The following EPC1 variants were observed in gnomAD, a reference collection of about 807,000 sequenced individuals.
The protein encoded by EPC1 is enhancer of polycomb 1, also known as enhancer of polycomb homolog 1.
A neutral mutation model predicts 98.4 loss-of-function variants in EPC1; 12 were observed. That is an observed-to-expected ratio of 0.12 (90% CI 0.08 to 0.20). The LOEUF is 0.20. EPC1 is among the 10% of genes least tolerant of loss of function. The probability of loss-of-function intolerance (pLI) is 1.00; values close to 1 mark genes in which losing one functional copy is unlikely to be tolerated. For missense variants in EPC1, 729 were observed against 990.5 expected, an observed-to-expected ratio of 0.74 and a Z score of 3.54; for synonymous variants, 357 against 363.9, an observed-to-expected ratio of 0.98 and a Z score of 0.21.
intron 10 of EPC1, chr10:32,283,624 TA>T (rs1836518888): frequency 6.6e-6 from 1 of 152,212 alleles, no homozygotes; most frequent in Non-Finnish European, 1.5e-5. Flanking sequence ...AATTTCTTAA[TA>T]ACATGTTCTT....
chr10:32,343,929 T>C (rs1838561641), intron 1 of EPC1, among the ~76,000 whole-genome samples: 1 of 152,222 alleles, frequency 6.6e-6, no homozygotes, highest in Non-Finnish European at 1.5e-5. Context: ...AATAAAATGC[T>C]TTAATCAGGT....
At chr10:32,295,813 C>T (rs911026804) in intron 2 of EPC1, among the ~76,000 whole-genome samples, 5 of 152,096 alleles carry the variant, frequency 3.3e-5, no homozygotes, top group Admixed American at 6.6e-5. Flanking sequence ...GTTGTATTAG[C>T]ACAGATTACA....
Position 32,291,268 on chromosome 10 carries a change from T to C in EPC1, c.870A>G (p.Arg290=), listed in dbSNP as rs1219761919. ...GEIMSEVMAQ[R]QPMKPTYAIP... is the part of the protein sequence containing the mutation. ...TGGCATAAGTAGGTTTCATTGGCTG[T>C]CTCTGTGCCATAACCTCAGACATGA... The change falls in exon 6 of 14, where the codon AGA becomes AGG. Residue 290 remains arginine (R), a synonymous_variant. Transcript: ENST00000319778. 3 of 1,614,010 alleles carry C rather than the reference T, an allele frequency of 1.9e-6. No individual in the cohort carries two copies. The highest frequency in any genetic ancestry group is 2.5e-6 in the Non-Finnish European group (3 of 1,179,928).
At chr10:32,275,966 T>C (rs545552213) in intron 10 of EPC1, among the ~76,000 whole-genome samples, 188 of 152,182 alleles carry the variant, frequency 1.2e-3, no homozygotes, top group Admixed American at 3.5e-3. Flanking sequence ...ATCAACATTT[T>C]AGATTACTAT....
chr10:32,345,547 G>GT, intron 1 of EPC1: 2 of 985,396 alleles, frequency 2.0e-6, no homozygotes, highest in Non-Finnish European at 2.4e-6. Context: ...ACTGCACCCT[G>GT]TTTAAATGGC....
chr10:32,297,682 C>T (rs536686956), intron 2 of EPC1, among the ~76,000 whole-genome samples: 22 of 152,132 alleles, frequency 1.4e-4, no homozygotes, highest in Non-Finnish European at 2.4e-4. Flanking sequence ...TACAGGTAAA[C>T]AGAATACAGT....
chr10:32,275,099 T>G (rs1836013143), intron 10 of EPC1, among the ~76,000 whole-genome samples: 1 of 152,204 alleles, frequency 6.6e-6, no homozygotes, highest in Non-Finnish European at 1.5e-5. Context: ...AAACAATAAT[T>G]TAGCATTCAC....
At chr10:32,309,048 C>T (rs776172555) in intron 1 of EPC1, among the ~76,000 whole-genome samples, 4 of 152,094 alleles carry the variant, frequency 2.6e-5, no homozygotes, top group South Asian at 2.1e-4. Flanking sequence ...AAAAAAATTT[C>T]GCATATTCTC....
At chr10:32,350,845 G>T (rs754374928), upstream of EPC1, among the ~76,000 whole-genome samples, 38 of 152,050 alleles carry the variant, frequency 2.5e-4, no homozygotes, top group Non-Finnish European at 1.9e-4. Flanking sequence ...GTTTATGTTC[G>T]GTATGTATCC....
intron 10 of EPC1, among the ~76,000 whole-genome samples, chr10:32,273,550 C>T (rs982598796): frequency 4.0e-5 from 6 of 151,658 alleles, no homozygotes; most frequent in African/African-American, 1.2e-4. Flanking sequence ...AATTTCAACA[C>T]CACTATTTTT....
At chr10:32,307,004 T>C (rs1477294980) in intron 1 of EPC1, among the ~76,000 whole-genome samples, 1 of 152,222 alleles carries the variant, frequency 6.6e-6, no homozygotes, top group East Asian at 1.9e-4. Flanking sequence ...AATGTGTACA[T>C]ATTTAAATAT....
At chr10:32,288,608 C>T (rs562801305) in intron 6 of EPC1, among the ~76,000 whole-genome samples, 1 of 152,202 alleles carries the variant, frequency 6.6e-6, no homozygotes, top group African/African-American at 2.4e-5. Flanking sequence ...GCCTCTACCT[C>T]CCAAAGTGTT....
intron 1 of EPC1, among the ~76,000 whole-genome samples, chr10:32,365,304 G>A (rs938467586): frequency 1.3e-5 from 2 of 152,124 alleles, no homozygotes; most frequent in African/African-American, 4.8e-5. Flanking sequence ...GCAAACTTTA[G>A]CATAAAGGCT....
intron 6 of EPC1, among the ~76,000 whole-genome samples, chr10:32,290,483 C>CAAAAAAAAAAAAAAAAAAAAAAAAAA (rs57193296): frequency 7.5e-5 from 3 of 40,160 alleles, no homozygotes; most frequent in Admixed American, 3.0e-4. Context: ...AAGACTCTGT[C>CAAAAAAAAAAAAAAAAAAAAAAAAAA]AAAAAAAAAA....
At chr10:32,345,994 A>G (rs1034605213) in intron 1 of EPC1, among the ~76,000 whole-genome samples, 4 of 152,232 alleles carry the variant, frequency 2.6e-5, no homozygotes, top group African/African-American at 9.6e-5. Flanking sequence ...CGCAAGGATC[A>G]CAGAAAAAGT....
Position 32,268,844 on chromosome 10 carries a change from G to A in EPC1, c.*219C>T, listed in dbSNP as rs1835701183. 2 of 455,028 alleles carry A rather than the reference G, an allele frequency of 4.4e-6. No homozygotes were observed. Among genetic ancestry groups the A allele is most frequent in the Non-Finnish European group, 7.9e-6 (2 of 252,350 alleles). 28.2% of individuals were successfully genotyped at this position (455,028 alleles called of 1,614,324 possible). ...AAGGGTATTACAAATATGCAGTACT[G>A]TACAGATAATTGCTGTATTCTTAAT... On this transcript the variant is annotated 3_prime_UTR_variant, in exon 14 of 14. Transcript: ENST00000319778.
chr10:32,288,996 G>A (rs551079166), intron 6 of EPC1, among the ~76,000 whole-genome samples: 190 of 152,204 alleles, frequency 1.2e-3, no homozygotes, highest in Non-Finnish European at 2.2e-3. Context: ...GGCTGAGGCA[G>A]GAGAATCGCT....
chr10:32,349,614 T>C (rs1248760056), upstream of EPC1, among the ~76,000 whole-genome samples: 2 of 152,184 alleles, frequency 1.3e-5, no homozygotes, highest in African/African-American at 4.8e-5. Context: ...TTTGAAATTT[T>C]TGTTTTTTAG....
intron 1 of EPC1, among the ~76,000 whole-genome samples, chr10:32,338,711 T>C (rs772438759): frequency 2.6e-5 from 4 of 152,164 alleles, no homozygotes; most frequent in Non-Finnish European, 4.4e-5. Flanking sequence ...TCAGGCCACA[T>C]GTTTCCTAAC....
Sources: allele counts gnomAD v4.1 joint callset (sites outside exome capture counted in the v4.1 genomes callset), GRCh38; gene constraint gnomAD v4.1.1; transcripts MANE v1.5; gene names NCBI Gene and HGNC (gene_info 2026-07-23, HGNC 2026-07-21).